CDKN2B-AS1: variants seen among roughly 807,000 people sequenced by gnomAD.
The protein encoded by CDKN2B-AS1 is CDKN2B antisense RNA 1 (non-protein coding).
chr9:22,125,976 G>T (rs369362212), intron 4 of CDKN2B-AS1, among the ~76,000 whole-genome samples: 1 of 152,120 alleles, frequency 6.6e-6, no homozygotes, highest in African/African-American at 2.4e-5. Context: ...AGAAAATTCA[G>T]AAAAAACTAC....
chr9:21,995,974 A>ATG lies in CDKN2B-AS1; in HGVS notation n.29+816_29+817dup, dbSNP rs1241718741. ...TAGGCCCAGCTCCGGGAACCTGGAA[A>ATG]TGTGGCCCGCTTCTCAGTGGCTTCC... is the stretch of plus-strand genomic sequence containing the variant. On this transcript the variant is annotated intron_variant and non_coding_transcript_variant, in intron 1 of 4. Coordinates refer to ENST00000650946, the Ensembl canonical transcript of CDKN2B-AS1. The surrounding 1 kb of genome is among the most constrained non-coding windows in gnomAD (Gnocchi z 5.7). 2.0e-5 allele frequency: 3 copies of ATG among 152,704 alleles called. No individual in the cohort carries two copies. Among genetic ancestry groups the ATG allele is most frequent in the East Asian group, 1.9e-4 (1 of 5,202 alleles). 9.5% of individuals were successfully genotyped at this position (152,704 alleles called of 1,614,324 possible).
Position 22,031,373 on chromosome 9 carries a change from A to T in CDKN2B-AS1, n.30-15378A>T, listed in dbSNP as rs183288635. On this transcript the variant is annotated intron_variant and non_coding_transcript_variant, in intron 1 of 4. Coordinates refer to ENST00000650946, the Ensembl canonical transcript of CDKN2B-AS1. ...AACACTAACATACATTATTCTCATT[A>T]GTTTTTATAATAGTTATATGAGGTG... is the stretch of plus-strand genomic sequence containing the variant. Among the ~76,000 whole-genome samples, 2 of 152,296 alleles carry T rather than the reference A, an allele frequency of 1.3e-5. 1 individual carries two copies. Among genetic ancestry groups the T allele is most frequent in the East Asian group, 3.9e-4 (2 of 5,184 alleles).
At chr9:22,037,037 CAT>C (rs1389794248) in intron 1 of CDKN2B-AS1, among the ~76,000 whole-genome samples, 1 of 152,016 alleles carries the variant, frequency 6.6e-6, no homozygotes, top group African/African-American at 2.4e-5. Flanking sequence ...TGTTTGTGTA[CAT>C]GTCTGGTTTC....
At chr9:22,012,130 A>C in intron 1 of CDKN2B-AS1, 1 of 1,047,228 alleles carries the variant, frequency 9.5e-7, no homozygotes, top group Non-Finnish European at 1.5e-6. Context: ...TTCTTCAGCG[A>C]GGCAGCCGAG....
chr9:22,009,263 C>G, intron 1 of CDKN2B-AS1: 1 of 526,052 alleles, frequency 1.9e-6, no homozygotes, highest in East Asian at 3.4e-5. Context: ...AGGGTGCGGA[C>G]GCGTCGCGGA....
At chr9:22,080,672 G>A (rs1224351382) in intron 4 of CDKN2B-AS1, among the ~76,000 whole-genome samples, 2 of 152,242 alleles carry the variant, frequency 1.3e-5, no homozygotes, top group South Asian at 2.1e-4. Context: ...CTGTATTTCT[G>A]ACAGTTTGCA....
At chr9:22,096,938 T>C (rs1191833592) in intron 4 of CDKN2B-AS1, among the ~76,000 whole-genome samples, 1 of 152,148 alleles carries the variant, frequency 6.6e-6, no homozygotes, top group African/African-American at 2.4e-5. Flanking sequence ...TTCCCAGAGA[T>C]CCCTGCCCTT....
At chr9:22,113,780 TG>T (rs988987084) in intron 4 of CDKN2B-AS1, 3 of 152,198 alleles carry the variant, frequency 2.0e-5, no homozygotes, top group African/African-American at 7.2e-5. Context: ...CACTTGAAGA[TG>T]GTGAAGGAAT....
intron 1 of CDKN2B-AS1, chr9:22,029,708 AC>A: frequency 2.3e-6 from 1 of 428,738 alleles, no homozygotes; most frequent in East Asian, 3.5e-5. Context: ...TATTTTGATG[AC>A]CTGTTTTCAA....
chr9:22,006,025 C>T lies in CDKN2B-AS1; in HGVS notation n.29+10864C>T. 1.9e-6 allele frequency: 3 copies of T among 1,603,902 alleles called. No homozygotes were observed. The highest frequency in any genetic ancestry group is 2.5e-6 in the Non-Finnish European group (3 of 1,179,580). ...GCTGTGCGCAGGTACCCTGCAACGTCGCGGTGGCCCCGCTCCTCGGCCAAG... is the reference window on the plus strand; with the variant it reads ...GCTGTGCGCAGGTACCCTGCAACGTTGCGGTGGCCCCGCTCCTCGGCCAAG... On this transcript the variant is annotated intron_variant and non_coding_transcript_variant, in intron 1 of 4. Coordinates refer to ENST00000650946, the Ensembl canonical transcript of CDKN2B-AS1. This position sits in a 1 kb window ranked among gnomAD's most constrained non-coding sequence, Gnocchi z 6.4.
chr9:21,995,313 C>G lies in CDKN2B-AS1; in HGVS notation n.29+152C>G, dbSNP rs2131152558. 6.6e-6 allele frequency: 1 copy of G among 152,496 alleles called. No homozygotes were observed. Among genetic ancestry groups the G allele is most frequent in the African/African-American group, 2.4e-5 (1 of 41,592 alleles). 9.4% of individuals were successfully genotyped at this position (152,496 alleles called of 1,614,324 possible). On this transcript the variant is annotated intron_variant and non_coding_transcript_variant, in intron 1 of 4. Coordinates refer to ENST00000650946, the Ensembl canonical transcript of CDKN2B-AS1. The surrounding 1 kb of genome is among the most constrained non-coding windows in gnomAD (Gnocchi z 5.7). ...TTTCGGTTTTAACCTTCACGACAGC[C>G]GCGGAGCATCTGAGCGCTTCTTCCT...
At chr9:22,122,680 A>G (rs890500147) in intron 4 of CDKN2B-AS1, among the ~76,000 whole-genome samples, 2 of 152,082 alleles carry the variant, frequency 1.3e-5, no homozygotes, top group Admixed American at 1.3e-4. Flanking sequence ...TGTTCTTGAT[A>G]TCTTTGTTAA....
intron 1 of CDKN2B-AS1, among the ~76,000 whole-genome samples, chr9:22,018,138 ACATGGTGAAAC>A (rs1430771859): frequency 1.3e-5 from 2 of 149,374 alleles, no homozygotes; most frequent in African/African-American, 4.9e-5. Flanking sequence ...AGCCTGACCA[ACATGGTGAAAC>A]CATGTCTCTA....
exon 5 of CDKN2B-AS1, among the ~76,000 whole-genome samples, chr9:22,127,757 A>AT: frequency 6.6e-6 from 1 of 152,302 alleles, no homozygotes; most frequent in East Asian, 1.9e-4. Flanking sequence ...TTCATTGATG[A>AT]GATGTTGAAC....
At chr9:22,108,436 A>AT (rs1262600736) in intron 4 of CDKN2B-AS1, among the ~76,000 whole-genome samples, 1 of 152,186 alleles carries the variant, frequency 6.6e-6, no homozygotes, top group Non-Finnish European at 1.5e-5. Context: ...TGGTATGGCC[A>AT]TAGACAATAA....
rs1475493422 is a variant in CDKN2B-AS1 at position 22,005,636 on chromosome 9, ATCGGAAGATTCGTAGCC to A, written n.29+10476_29+10492del. 1 of 458,180 alleles carries A rather than the reference ATCGGAAGATTCGTAGCC, an allele frequency of 2.2e-6. No homozygotes were observed. The highest frequency in any genetic ancestry group is 4.0e-6 in the Non-Finnish European group (1 of 247,312). 28.4% of individuals were successfully genotyped at this position (458,180 alleles called of 1,614,324 possible). On this transcript the variant is annotated intron_variant and non_coding_transcript_variant, in intron 1 of 4. Transcript: ENST00000650946. This position sits in a 1 kb window ranked among gnomAD's most constrained non-coding sequence, Gnocchi z 4.9. ...CAGCGCTGGAGTGGGAGATTCATCCATCGGAAGATTCGTAGCCACCAGGTCCAGTCAAGGATTTCATA... is the reference window on the plus strand; with the variant it reads ...CAGCGCTGGAGTGGGAGATTCATCCAACCAGGTCCAGTCAAGGATTTCATA...
At chr9:22,009,515 T>C (rs991440289) in intron 1 of CDKN2B-AS1, among the ~76,000 whole-genome samples, 1 of 152,268 alleles carries the variant, frequency 6.6e-6, no homozygotes, top group Non-Finnish European at 1.5e-5. Context: ...CTGGCTGCAC[T>C]GCTCGCTGGA....
At position 22,009,098 on chromosome 9, in the gene CDKN2B-AS1, T is replaced by C. The variant is rs1334588604; in HGVS notation, n.29+13937T>C. On this transcript the variant is annotated intron_variant and non_coding_transcript_variant, in intron 1 of 4. Coordinates refer to ENST00000650946, the Ensembl canonical transcript of CDKN2B-AS1. ...GCTCAGCTTCATTACCCTCCCGTCGTCCTTCTGCGGCTTGGGGCCCCGTGC... is the reference window on the plus strand; with the variant it reads ...GCTCAGCTTCATTACCCTCCCGTCGCCCTTCTGCGGCTTGGGGCCCCGTGC... 12 of 1,283,722 alleles carry C rather than the reference T, an allele frequency of 9.3e-6. No homozygotes were observed. In the Admixed American group the frequency reaches 2.4e-4, roughly 26 times the overall value. 79.5% of individuals were successfully genotyped at this position (1,283,722 alleles called of 1,614,324 possible).
At chr9:22,038,170 T>C (rs1208396195) in intron 1 of CDKN2B-AS1, among the ~76,000 whole-genome samples, 1 of 151,978 alleles carries the variant, frequency 6.6e-6, no homozygotes, top group Non-Finnish European at 1.5e-5. Context: ...TGCTTACTTC[T>C]ACACTACAAC....
Sources: gnomAD v4.1 joint callset for allele counts (sites outside exome capture counted in the v4.1 genomes callset) on GRCh38, gnomAD v4.1.1 for gene constraint, Gnocchi (gnomAD v3.1) non-coding constraint, MANE v1.5 for transcripts, NCBI Gene and HGNC (gene_info 2026-07-23, HGNC 2026-07-21) for gene names.